Variants in BACH2 observed in about 807,000 individuals in gnomAD.
BACH2 encodes the protein transcription regulator protein BACH2.
BACH2 carries 5 observed loss-of-function variants against 61.8 expected under a neutral mutation model. That is an observed-to-expected ratio of 0.08 (90% confidence interval 0.04 to 0.17). The LOEUF (loss-of-function observed/expected upper bound fraction) is 0.17, where lower values mean the gene tolerates loss of function less well. Among genes scored for constraint, BACH2 ranks in the 10% least tolerant of loss-of-function variants. The probability of loss-of-function intolerance (pLI) is 1.00; values close to 1 mark genes in which losing one functional copy is unlikely to be tolerated. For missense variants in BACH2, 824 were observed against 1,091.1 expected, an observed-to-expected ratio of 0.76 and a Z score of 3.45; for synonymous variants, 446 against 440.1, an observed-to-expected ratio of 1.01 and a Z score of -0.17.
At chr6:90,107,891 G>A (rs1023336105) in intron 4 of BACH2, among the ~76,000 whole-genome samples, 2 of 152,106 alleles carry the variant, frequency 1.3e-5, no homozygotes. Context: ...CAGTCAGGGT[G>A]AAAACTAACT....
intron 3 of BACH2, among the ~76,000 whole-genome samples, chr6:90,245,917 C>A (rs1770620683): frequency 6.6e-6 from 1 of 152,170 alleles, no homozygotes; most frequent in Non-Finnish European, 1.5e-5. Flanking sequence ...TGGCCCAGAC[C>A]CTCATTCCAT....
intron 6 of BACH2, among the ~76,000 whole-genome samples, chr6:89,964,183 G>A (rs574627980): frequency 4.2e-5 from 6 of 142,474 alleles, no homozygotes; most frequent in Non-Finnish European, 6.0e-5. Flanking sequence ...ATGTGCACAC[G>A]TACCCTAAAA....
Position 90,284,373 on chromosome 6 carries a change from C to T in BACH2, c.-446+12107G>A, listed in dbSNP as rs528267847. 4.4e-4 allele frequency among the ~76,000 whole-genome samples: 67 copies of T among 152,330 alleles called. 1 individual carries two copies. The South Asian group carries it at 5.4e-3, about 12-fold the overall frequency. ...TGCTCCACTCTGCTGTTTCCTCTGA[C>T]TCGCATTTTCTGTTAACCTTCCTCT... On this transcript the variant is annotated intron_variant, in intron 1 of 8. Transcript: ENST00000257749.
rs1302894679 is a variant in BACH2, at chr6:90,164,552, A to G, written c.-162+42017T>C. Among the ~76,000 whole-genome samples the G allele has an allele frequency of 5.9e-5, 9 of 152,264 alleles. No homozygotes were observed. The East Asian group carries it at 7.7e-4, about 13-fold the overall frequency. ...AATAGAAAAAGAGGGAATCCTCCCT[A>G]ACTCATTTTATGAGGCCAGCATCAT... On this transcript the variant is annotated intron_variant, in intron 4 of 8. Transcript: ENST00000257749.
In BACH2 at chr6:89,926,861, G is replaced by C. The variant is rs564201419; in HGVS notation, c.*5547C>G. On this transcript the variant is annotated 3_prime_UTR_variant, in exon 9 of 9. Coordinates refer to ENST00000257749, the MANE Select transcript of BACH2 (RefSeq NM_021813.4). ...TGCATTGAATTAAATTACATTAATC[G>C]CATAGAATCTGTGTAAAAAGTATGT... 5 of 152,796 alleles carry C rather than the reference G, an allele frequency of 3.3e-5. No homozygotes were observed. In the East Asian group the frequency reaches 9.4e-4, roughly 29 times the overall value. The allele number at this position is 152,796 out of a possible 1,614,324, so 9.5% of individuals were successfully genotyped here.
intron 5 of BACH2, among the ~76,000 whole-genome samples, chr6:90,035,156 A>C (rs1186824762): frequency 6.6e-6 from 1 of 152,144 alleles, no homozygotes; most frequent in Non-Finnish European, 1.5e-5. Context: ...GCACATGAAA[A>C]AATACAAAGT....
At chr6:89,976,419 C>T (rs1180927660) in intron 6 of BACH2, among the ~76,000 whole-genome samples, 2 of 152,200 alleles carry the variant, frequency 1.3e-5, no homozygotes, top group Non-Finnish European at 2.9e-5. Flanking sequence ...CAGTGGGCTA[C>T]TAGCAGTCTA....
In BACH2 at chr6:90,008,990, G is replaced by A. The variant is rs1777560245; in HGVS notation, c.-12-134C>T. 1 of 1,073,348 alleles carries A rather than the reference G, an allele frequency of 9.3e-7. No individual in the cohort carries two copies. Among genetic ancestry groups the A allele is most frequent in the Non-Finnish European group, 1.3e-6 (1 of 764,028 alleles). 66.5% of individuals were successfully genotyped at this position (1,073,348 alleles called of 1,614,324 possible). On this transcript the variant is annotated intron_variant, in intron 5 of 8. Coordinates refer to ENST00000257749, the MANE Select transcript of BACH2 (RefSeq NM_021813.4). This position sits in a 1 kb window ranked among gnomAD's most constrained non-coding sequence, Gnocchi z 4.1. ...TGCCATGAGCATGGCAGGAAGGAGG[G>A]GAATTACCAATCAGCATATTTGTGC...
At chr6:90,186,326 G>A (rs968951355) in intron 4 of BACH2, among the ~76,000 whole-genome samples, 10 of 152,056 alleles carry the variant, frequency 6.6e-5, no homozygotes, top group African/African-American at 1.2e-4. Flanking sequence ...CCAATGAAGC[G>A]GCTTCCATTT....
chr6:90,094,664 A>T (rs183579708), intron 4 of BACH2, among the ~76,000 whole-genome samples: 67 of 152,338 alleles, frequency 4.4e-4, no homozygotes, highest in African/African-American at 1.4e-3. Flanking sequence ...TTGTATTAAT[A>T]TTATCACTGG....
chr6:90,022,276 T>C (rs1001373929), intron 5 of BACH2, among the ~76,000 whole-genome samples: 1 of 152,182 alleles, frequency 6.6e-6, no homozygotes, highest in African/African-American at 2.4e-5. Context: ...CTAGCACTTT[T>C]CCTATATTTA....
At chr6:90,091,640 G>A (rs1407777111) in intron 4 of BACH2, among the ~76,000 whole-genome samples, 1 of 152,096 alleles carries the variant, frequency 6.6e-6, no homozygotes, top group Non-Finnish European at 1.5e-5. Flanking sequence ...ACGTTTGTTT[G>A]TTATATTAAA....
At chr6:90,088,407 T>C (rs1211379300) in intron 5 of BACH2, among the ~76,000 whole-genome samples, 1 of 152,056 alleles carries the variant, frequency 6.6e-6, no homozygotes, top group Non-Finnish European at 1.5e-5. Flanking sequence ...AGCTCTGGGG[T>C]AAAGCTGGCA....
intron 8 of BACH2, among the ~76,000 whole-genome samples, chr6:89,936,833 A>G (rs1208067219): frequency 6.6e-6 from 1 of 152,194 alleles, no homozygotes; most frequent in Non-Finnish European, 1.5e-5. Context: ...CTGGTGGCTC[A>G]CCATGAGGCC....
intron 5 of BACH2, among the ~76,000 whole-genome samples, chr6:90,057,593 A>AAAAAG (rs1246454693): frequency 1.3e-5 from 2 of 152,216 alleles, no homozygotes; most frequent in Non-Finnish European, 2.9e-5. Flanking sequence ...CAATCAACAG[A>AAAAAG]AAAAGAGGGA....
chr6:90,280,638 T>C (rs1396692368), intron 1 of BACH2, among the ~76,000 whole-genome samples: 2 of 152,210 alleles, frequency 1.3e-5, no homozygotes, highest in Non-Finnish European at 2.9e-5. Context: ...CTTGAGAAAG[T>C]GCAGATTCAG....
intron 4 of BACH2, among the ~76,000 whole-genome samples, chr6:90,093,719 C>T (rs1416538280): frequency 6.6e-6 from 1 of 152,140 alleles, no homozygotes; most frequent in Non-Finnish European, 1.5e-5. Context: ...ATTCACTGCC[C>T]TTCTCCTAGG....
intron 3 of BACH2, among the ~76,000 whole-genome samples, chr6:90,208,407 C>G (rs1769224543): frequency 6.6e-6 from 1 of 152,190 alleles, no homozygotes; most frequent in Admixed American, 6.5e-5. Context: ...TAGACAGACA[C>G]TTCTCAAAAG....
chr6:90,052,284 A>G (rs2127794999), intron 5 of BACH2, among the ~76,000 whole-genome samples: 1 of 152,284 alleles, frequency 6.6e-6, no homozygotes, highest in African/African-American at 2.4e-5. Flanking sequence ...ATTTCTCTAT[A>G]GTTTTATTAG....
Sources: gnomAD v4.1 joint callset for allele counts (sites outside exome capture counted in the v4.1 genomes callset) on GRCh38, gnomAD v4.1.1 for gene constraint, Gnocchi (gnomAD v3.1) non-coding constraint, MANE v1.5 for transcripts, NCBI Gene and HGNC (gene_info 2026-07-23, HGNC 2026-07-21) for gene names.